Variants in NXPH2 observed in about 807,000 individuals in gnomAD.
NXPH2 encodes neurexophilin-2.
NXPH2 carries 5 observed loss-of-function variants against 19.8 expected under a neutral mutation model. The ratio of observed to expected loss-of-function variants is 0.25; its 90% confidence interval spans 0.13 to 0.53. NXPH2 has a LOEUF of 0.53. Ranked by LOEUF, NXPH2 falls within the 20% of genes least tolerant of loss-of-function variation. The probability of loss-of-function intolerance (pLI) is 0.96; values close to 1 mark genes in which losing one functional copy is unlikely to be tolerated. For synonymous variants in NXPH2, 154 were observed against 127.4 expected (o/e 1.21, Z -1.41); for missense variants, 289 against 322.8 (o/e 0.90, Z 0.80).
At position 138,729,390 on chromosome 2, in the gene NXPH2, C is replaced by T. The variant is rs150564523; in HGVS notation, c.51+50801G>A. On this transcript the variant is annotated intron_variant, in intron 1 of 1. Transcript: ENST00000272641. ...TGTGAAGAAGGATGTGTTTGCTTCCCCTTTGGCCTTGACTGTAAGTTTCCT... is the reference window on the plus strand; with the variant it reads ...TGTGAAGAAGGATGTGTTTGCTTCCTCTTTGGCCTTGACTGTAAGTTTCCT... Among the ~76,000 whole-genome samples the T allele has an allele frequency of 2.1e-3, 322 of 152,274 alleles. 1 individual carries two copies. The highest frequency in any genetic ancestry group is 7.3e-3 in the African/African-American group (305 of 41,554).
At chr2:138,688,429 G>T (rs746582692) in intron 1 of NXPH2, among the ~76,000 whole-genome samples, 1 of 152,128 alleles carries the variant, frequency 6.6e-6, no homozygotes, top group Non-Finnish European at 1.5e-5. Context: ...CAATCCACCT[G>T]CCTCAACCTC....
intron 1 of NXPH2, among the ~76,000 whole-genome samples, chr2:138,684,847 T>G (rs962881987): frequency 6.6e-6 from 1 of 152,162 alleles, no homozygotes; most frequent in African/African-American, 2.4e-5. Flanking sequence ...CCCTTCTCTG[T>G]CCCTATCAGT....
intron 1 of NXPH2, among the ~76,000 whole-genome samples, chr2:138,763,189 T>C (rs1461672356): frequency 6.6e-6 from 1 of 152,124 alleles, no homozygotes; most frequent in Admixed American, 6.5e-5. Flanking sequence ...ACCTATTACC[T>C]CATCAGAAAA....
At position 138,748,130 on chromosome 2, in the gene NXPH2, T is replaced by G. The variant is rs192922888; in HGVS notation, c.51+32061A>C. On this transcript the variant is annotated intron_variant, in intron 1 of 1. Coordinates refer to ENST00000272641, the MANE Select transcript of NXPH2 (RefSeq NM_007226.3). The stretch of plus-strand genomic sequence containing the variant: ...TCATTTATCCAGTGTTTCACGATGT[T>G]GTCATGTGGGAGGCACTGTGCTAGG... Among the ~76,000 whole-genome samples, 10 of 152,308 alleles carry G rather than the reference T, an allele frequency of 6.6e-5. No homozygotes were observed. In the East Asian group the frequency reaches 1.5e-3, roughly 24 times the overall value.
At chr2:138,742,121 G>A (rs1681653263) in intron 1 of NXPH2, among the ~76,000 whole-genome samples, 1 of 152,100 alleles carries the variant, frequency 6.6e-6, no homozygotes, top group South Asian at 2.1e-4. Flanking sequence ...TTAATCCCAG[G>A]AATAATGAGT....
chr2:138,780,113 C>T, intron 1 of NXPH2, 78 bp downstream of exon 1: 1 of 1,401,014 alleles, frequency 7.1e-7, no homozygotes, highest in Non-Finnish European at 9.4e-7. Context: ...AGGCTGGGCT[C>T]CAAGTCAGCC....
At chr2:138,723,444 A>C (rs1681310264) in intron 1 of NXPH2, among the ~76,000 whole-genome samples, 1 of 152,208 alleles carries the variant, frequency 6.6e-6, no homozygotes, top group Admixed American at 6.5e-5. Context: ...CTCAATGATT[A>C]CGCCATGAGG....
intron 1 of NXPH2, among the ~76,000 whole-genome samples, chr2:138,698,647 G>A (rs1680866040): frequency 6.6e-6 from 1 of 152,134 alleles, no homozygotes; most frequent in Non-Finnish European, 1.5e-5. Context: ...TTGAGCCCAG[G>A]AGTTCAAGGT....
intron 1 of NXPH2, among the ~76,000 whole-genome samples, chr2:138,692,969 T>C (rs1680766164): frequency 6.6e-6 from 1 of 152,206 alleles, no homozygotes; most frequent in South Asian, 2.1e-4. Context: ...TGCATGTAAG[T>C]TATAGTTCCA....
intron 1 of NXPH2, among the ~76,000 whole-genome samples, chr2:138,760,477 G>A (rs1681993497): frequency 6.6e-6 from 1 of 152,172 alleles, no homozygotes; most frequent in Non-Finnish European, 1.5e-5. Flanking sequence ...ATTGCACGGA[G>A]GTCCCTGCTT....
At chr2:138,751,695 G>A (rs1681832503) in intron 1 of NXPH2, among the ~76,000 whole-genome samples, 1 of 152,084 alleles carries the variant, frequency 6.6e-6, no homozygotes, top group South Asian at 2.1e-4. Flanking sequence ...ATAAAATAGT[G>A]TCAGCTTTCA....
In NXPH2 at chr2:138,729,318, G is replaced by C. The variant is rs983468397; in HGVS notation, c.51+50873C>G. Among the ~76,000 whole-genome samples, 4 of 152,166 alleles carry C rather than the reference G, an allele frequency of 2.6e-5. No individual in the cohort carries two copies. In the South Asian group the frequency reaches 8.3e-4, roughly 32 times the overall value. The stretch of plus-strand genomic sequence containing the variant: ...TCATGAGATCTGATGGTTTTATAAG[G>C]GGCTTTCCCCTTTACTGGGCTCTCA... On this transcript the variant is annotated intron_variant, in intron 1 of 1. Transcript: ENST00000272641.
chr2:138,744,354 A>G lies in NXPH2; in HGVS notation c.51+35837T>C, dbSNP rs1681692524. Among the ~76,000 whole-genome samples, 3 of 152,314 alleles carry G rather than the reference A, an allele frequency of 2.0e-5. No homozygotes were observed. In the South Asian group the frequency reaches 6.2e-4, roughly 32 times the overall value. ...TCAAAATAAATAAAAGTGAAAACAA[A>G]AAAGACAAGGCTTTTCCAGAGGGAG... On this transcript the variant is annotated intron_variant, in intron 1 of 1. Transcript: ENST00000272641.
chr2:138,747,689 C>T (rs1019655464), intron 1 of NXPH2, among the ~76,000 whole-genome samples: 1 of 152,186 alleles, frequency 6.6e-6, no homozygotes, highest in African/African-American at 2.4e-5. Flanking sequence ...AATTCAGTCA[C>T]TCTGGCTGGG....
intron 1 of NXPH2, among the ~76,000 whole-genome samples, chr2:138,745,649 A>G (rs532013308): frequency 1.3e-5 from 2 of 152,366 alleles, no homozygotes; most frequent in Admixed American, 1.3e-4. Flanking sequence ...ATAGTTATAT[A>G]CTGGTACATA....
intron 1 of NXPH2, among the ~76,000 whole-genome samples, chr2:138,690,762 G>A (rs1680734562): frequency 6.6e-6 from 1 of 152,196 alleles, no homozygotes; most frequent in South Asian, 2.1e-4. Context: ...TGGGCACTAG[G>A]ATACAATGGT....
rs74957341 is a variant in NXPH2 at position 138,771,578 on chromosome 2, G to A, written c.51+8613C>T. ...ATTGATTTAAAACAGAAGCACTTCCGGGGAAGCCTTGCTAAGGGAGCAGGG... is the reference window on the plus strand; with the variant it reads ...ATTGATTTAAAACAGAAGCACTTCCAGGGAAGCCTTGCTAAGGGAGCAGGG... On this transcript the variant is annotated intron_variant, in intron 1 of 1. Coordinates refer to ENST00000272641, the MANE Select transcript of NXPH2 (RefSeq NM_007226.3). 7.3e-3 allele frequency among the ~76,000 whole-genome samples: 1,115 copies of A among 152,226 alleles called. 12 individuals carry two copies. Among genetic ancestry groups the A allele is most frequent in the African/African-American group, 0.025 (1,022 of 41,536 alleles).
At chr2:138,727,055 T>C (rs922705088) in intron 1 of NXPH2, among the ~76,000 whole-genome samples, 2 of 152,222 alleles carry the variant, frequency 1.3e-5, no homozygotes, top group South Asian at 4.1e-4. Flanking sequence ...TCAGATTGGC[T>C]CTTTCACTTA....
rs1682329356 is a variant in NXPH2, at chr2:138,780,173, C to A, written c.51+18G>T. 1.3e-6 allele frequency: 2 copies of A among 1,484,264 alleles called. No individual in the cohort carries two copies. Among genetic ancestry groups the A allele is most frequent in the African/African-American group, 1.5e-5 (1 of 68,350 alleles). 91.9% of individuals were successfully genotyped at this position (1,484,264 alleles called of 1,614,324 possible). On this transcript the variant is annotated intron_variant, in intron 1 of 1. Transcript: ENST00000272641. ...CGCGTCCCCGGCGTGTGGGACGGCG[C>A]GCGGGCCGGGCACTCACCAGCTGCA... is the stretch of plus-strand genomic sequence containing the variant.
Sources: allele counts gnomAD v4.1 joint callset (sites outside exome capture counted in the v4.1 genomes callset), GRCh38; gene constraint gnomAD v4.1.1; transcripts MANE v1.5; gene names NCBI Gene and HGNC (gene_info 2026-07-23, HGNC 2026-07-21).